LMX1B: variants seen among roughly 807,000 people sequenced by gnomAD.
LMX1B encodes LIM homeobox transcription factor 1-beta.
LMX1B carries 12 observed loss-of-function variants against 51.4 expected under a neutral mutation model. The ratio of observed to expected loss-of-function variants is 0.23; its 90% CI spans 0.15 to 0.38. The LOEUF is 0.38. Among genes scored for constraint, LMX1B ranks in the 10% least tolerant of loss-of-function variants. The pLI, the probability that LMX1B is intolerant of heterozygous loss-of-function variation, is 1.00. For synonymous variants in LMX1B, 237 were observed against 235.4 expected (o/e 1.01, Z -0.06); for missense variants, 445 against 571.1 (o/e 0.78, Z 2.25).
chr9:126,621,194 C>G (rs1254891229), intron 2 of LMX1B, among the ~76,000 whole-genome samples: 1 of 152,232 alleles, frequency 6.6e-6, no homozygotes, highest in African/African-American at 2.4e-5. Flanking sequence ...GTTATAACTT[C>G]CAATTTGTTG....
Position 126,690,883 on chromosome 9 carries a change from C to A in LMX1B, c.374C>A (p.Thr125Asn). The change falls in exon 3 of 8, where the codon ACC becomes AAC. Residue 125 changes from threonine to asparagine, a missense_variant. By Grantham distance (65) the Thr-to-Asn change is moderately conservative (BLOSUM62 0). Coordinates refer to ENST00000373474, the MANE Select transcript of LMX1B (RefSeq NM_001174147.2). ...CSGCMEKIAP[T>N]EFVMRALECV... ...GGCTGCATGGAGAAGATCGCCCCCA[C>A]CGAGTTCGTGATGCGGGCGCTGGAG... 1 of 1,613,758 alleles carries A rather than the reference C, an allele frequency of 6.2e-7. No homozygotes were observed. Among genetic ancestry groups the A allele is most frequent in the Non-Finnish European group, 8.5e-7 (1 of 1,179,954 alleles).
intron 2 of LMX1B, among the ~76,000 whole-genome samples, chr9:126,634,609 C>CA (rs200528386): frequency 6.6e-6 from 1 of 152,176 alleles, no homozygotes; most frequent in South Asian, 2.1e-4. Context: ...CACACCCCCC[C>CA]CACAATGCCA....
chr9:126,645,589 C>T (rs551868604), intron 2 of LMX1B, among the ~76,000 whole-genome samples: 3 of 152,272 alleles, frequency 2.0e-5, no homozygotes, highest in Admixed American at 6.5e-5. Flanking sequence ...GGAAGATCCT[C>T]GGAGGAGAAG....
At position 126,691,020 on chromosome 9, in the gene LMX1B, AAGG is replaced by A. The variant is rs767367771; in HGVS notation, c.514_516del (p.Glu172del). On this transcript the variant is annotated inframe_deletion, in exon 3 of 8. Transcript: ENST00000373474. ...GCTGCTGTGCAAGGGTGACTACGAG[AAGG>A]AGAAGGACCTGCTCAGCTCCGTGAG... 11 of 1,613,972 alleles carry A rather than the reference AAGG, an allele frequency of 6.8e-6. No homozygotes were observed. In the South Asian group the frequency reaches 9.9e-5, roughly 15 times the overall value.
At chr9:126,669,851 C>T (rs1272142208) in intron 2 of LMX1B, among the ~76,000 whole-genome samples, 4 of 152,170 alleles carry the variant, frequency 2.6e-5, no homozygotes, top group African/African-American at 9.7e-5. Flanking sequence ...CTCCTCTGCC[C>T]TTCCCCCAGG....
intron 2 of LMX1B, among the ~76,000 whole-genome samples, chr9:126,634,807 C>G (rs1251920132): frequency 1.3e-5 from 2 of 152,226 alleles, no homozygotes; most frequent in East Asian, 3.9e-4. Context: ...GGTGGGAGAG[C>G]TTTTACCAGG....
Position 126,626,918 on chromosome 9 carries a change from C to T in LMX1B, c.326+11349C>T, listed in dbSNP as rs1000037378. On this transcript the variant is annotated intron_variant, in intron 2 of 7. Coordinates refer to ENST00000373474, the MANE Select transcript of LMX1B (RefSeq NM_001174147.2). The surrounding 1 kb of genome is among the most constrained non-coding windows in gnomAD (Gnocchi z 4.3). ...AGACAACGCAGATGGTTCCTATCAG[C>T]CCGGCCGGGCCCGCAGCGTCCGCCG... 6.6e-6 allele frequency among the ~76,000 whole-genome samples: 1 copy of T among 152,218 alleles called. No individual in the cohort carries two copies. The highest frequency in any genetic ancestry group is 1.5e-5 in the Non-Finnish European group (1 of 68,034).
chr9:126,620,577 GC>G (rs1835391471), intron 2 of LMX1B, among the ~76,000 whole-genome samples: 1 of 152,238 alleles, frequency 6.6e-6, no homozygotes, highest in African/African-American at 2.4e-5. Flanking sequence ...AGGGTGGCCA[GC>G]TGTGCTGGGC....
At chr9:126,642,522 T>A (rs974683659) in intron 2 of LMX1B, among the ~76,000 whole-genome samples, 6 of 152,132 alleles carry the variant, frequency 3.9e-5, no homozygotes, top group African/African-American at 1.2e-4. Flanking sequence ...TCCCAGGTCA[T>A]CCCCCGAAGA....
intron 2 of LMX1B, among the ~76,000 whole-genome samples, chr9:126,646,656 T>G (rs1263253319): frequency 6.6e-6 from 1 of 152,136 alleles, no homozygotes; most frequent in Non-Finnish European, 1.5e-5. Context: ...AGCCCCTGGG[T>G]TCTACTTCTG....
chr9:126,661,899 C>T (rs1836254185), intron 2 of LMX1B, among the ~76,000 whole-genome samples: 1 of 152,212 alleles, frequency 6.6e-6, no homozygotes, highest in Non-Finnish European at 1.5e-5. Context: ...TCAGTCATCT[C>T]CCTACCCTCT....
chr9:126,696,017 C>CCGGGGGGGG lies in LMX1B; in HGVS notation c.1051+15_1051+16insGGGGGGGGC. 1 of 1,497,334 alleles carries CCGGGGGGGG rather than the reference C, an allele frequency of 6.7e-7. No individual in the cohort carries two copies. The highest frequency in any genetic ancestry group is 8.9e-7 in the Non-Finnish European group (1 of 1,122,902). The allele number at this position is 1,497,334 out of a possible 1,614,324, so 92.8% of individuals were successfully genotyped here. ...TGAACCCCTATGGTAAGCCGCCCTA[C>CCGGGGGGGG]CCCCACCCGCCCGCCCCAGCACAGC... is the stretch of plus-strand genomic sequence containing the variant. On this transcript the variant is annotated intron_variant, in intron 7 of 7. Transcript: ENST00000373474.
At chr9:126,676,628 G>A (rs1836570669) in intron 2 of LMX1B, among the ~76,000 whole-genome samples, 1 of 152,198 alleles carries the variant, frequency 6.6e-6, no homozygotes, top group African/African-American at 2.4e-5. Context: ...CTAGCAACCT[G>A]TCTGCTACCC....
At chr9:126,668,682 G>C (rs1383190853) in intron 2 of LMX1B, among the ~76,000 whole-genome samples, 1 of 152,108 alleles carries the variant, frequency 6.6e-6, no homozygotes, top group Non-Finnish European at 1.5e-5. Flanking sequence ...TCCAACTCCT[G>C]ACCTCAGGTG....
At chr9:126,693,883 G>A in intron 6 of LMX1B, 71 bp downstream of exon 6, 1 of 740,346 alleles carries the variant, frequency 1.4e-6, no homozygotes, top group Non-Finnish European at 2.3e-6. Flanking sequence ...GCCTAGGCCA[G>A]GGTGAGCTGG....
chr9:126,616,273 C>T (rs1835301275), intron 2 of LMX1B, among the ~76,000 whole-genome samples: 1 of 152,204 alleles, frequency 6.6e-6, no homozygotes, highest in African/African-American at 2.4e-5. Context: ...GGCCTCCTTT[C>T]TGGTAGTGTG....
At chr9:126,624,316 C>T (rs1220813205) in intron 2 of LMX1B, among the ~76,000 whole-genome samples, 3 of 152,206 alleles carry the variant, frequency 2.0e-5, no homozygotes, top group African/African-American at 7.2e-5. Flanking sequence ...TCCTTGGAGC[C>T]ACTGCAGGCT....
Position 126,695,378 on chromosome 9 carries a change from T to TGAG in LMX1B, c.887-461_887-460insGAG, listed in dbSNP as rs2030289058. Among the ~76,000 whole-genome samples the TGAG allele has an allele frequency of 6.6e-6, 1 of 152,130 alleles. No homozygotes were observed. Among genetic ancestry groups the TGAG allele is most frequent in the Non-Finnish European group, 1.5e-5 (1 of 68,022 alleles). On this transcript the variant is annotated intron_variant, in intron 6 of 7. Transcript: ENST00000373474. This position sits in a 1 kb window ranked among gnomAD's most constrained non-coding sequence, Gnocchi z 5.2. The stretch of plus-strand genomic sequence containing the variant: ...GCACCCTCACTTACCCGGCGGTCTG[T>TGAG]CTCCTCCATGCCTTTGCCGCCCCTC...
chr9:126,640,081 A>G (rs1197620989), intron 2 of LMX1B, among the ~76,000 whole-genome samples: 1 of 152,240 alleles, frequency 6.6e-6, no homozygotes, highest in Non-Finnish European at 1.5e-5. Context: ...AGCCCAATGT[A>G]TAGAAAGAAG....
Sources: allele counts gnomAD v4.1 joint callset (sites outside exome capture counted in the v4.1 genomes callset), GRCh38; gene constraint gnomAD v4.1.1; non-coding constraint Gnocchi (gnomAD v3.1); transcripts MANE v1.5; gene names NCBI Gene and HGNC (gene_info 2026-07-23, HGNC 2026-07-21).